The following EFR3B variants were observed in gnomAD, a reference collection of about 807,000 sequenced individuals.
EFR3B encodes the protein protein EFR3 homolog B.
EFR3B carries 64 observed loss-of-function variants against 104.7 expected under a neutral mutation model. The observed-to-expected ratio is 0.61, with a 90% CI of 0.50 to 0.75. The LOEUF (loss-of-function observed/expected upper bound fraction) is 0.75. Ranked by LOEUF, EFR3B falls within the 30% of genes least tolerant of loss-of-function variation. The pLI, the probability that EFR3B is intolerant of heterozygous loss-of-function variation, is 0.00. For missense variants in EFR3B, 750 were observed against 1,078.5 expected (o/e 0.70, Z 4.27); for synonymous variants, 385 against 417.9 (o/e 0.92, Z 0.96).
chr2:25,066,622 C>A (rs1668344260), intron 1 of EFR3B, among the ~76,000 whole-genome samples: 1 of 152,228 alleles, frequency 6.6e-6, no homozygotes, highest in South Asian at 2.1e-4. Context: ...AAGGAAGTCC[C>A]AGCACGCTGG....
intron 5 of EFR3B, among the ~76,000 whole-genome samples, chr2:25,124,509 A>G (rs1241096225): frequency 4.6e-5 from 7 of 151,102 alleles, no homozygotes; most frequent in Admixed American, 4.6e-4. Context: ...GGCGGATCAC[A>G]AGGTCAGGAG....
rs1669248035 is a variant in EFR3B, at chr2:25,095,419, G to C, written c.212+2289G>C. 4.6e-5 allele frequency among the ~76,000 whole-genome samples: 7 copies of C among 152,294 alleles called. No individual in the cohort carries two copies. In the South Asian group the frequency reaches 1.5e-3, roughly 32 times the overall value. On this transcript the variant is annotated intron_variant, in intron 3 of 22. Coordinates refer to ENST00000403714, the MANE Select transcript of EFR3B (RefSeq NM_014971.2). Reference sequence around the variant, plus strand: ...TACAGTAAAACGAACATACTGGCCAGGTGCGGTGGCTCATGCCTGTAATCC... The same window carrying C: ...TACAGTAAAACGAACATACTGGCCACGTGCGGTGGCTCATGCCTGTAATCC...
In EFR3B at chr2:25,128,324, G is replaced by A. The variant is rs760888162; in HGVS notation, c.627G>A (p.Glu209=). 7 of 1,551,742 alleles carry A rather than the reference G, an allele frequency of 4.5e-6. No homozygotes were observed. In the South Asian group the frequency reaches 8.3e-5, roughly 18 times the overall value. ...TTTTCAATCTACAGCATGTAGAGGA[G>A]GCAGAGAGGTAAGCAGGCCGGGATG... ...SLLFNLQHVE[E]AESRSPSPLQ... Residue 209 remains glutamate (E), a synonymous_variant, in exon 6 of 23, where the codon GAG becomes GAA. Transcript: ENST00000403714.
intron 1 of EFR3B, among the ~76,000 whole-genome samples, chr2:25,081,940 C>T (rs1270826663): frequency 1.3e-5 from 2 of 152,166 alleles, no homozygotes; most frequent in African/African-American, 4.8e-5. Flanking sequence ...TTTCAAACCA[C>T]CAATCGCCCT....
intron 1 of EFR3B, among the ~76,000 whole-genome samples, chr2:25,063,941 G>A (rs1306895668): frequency 4.6e-5 from 7 of 152,140 alleles, no homozygotes; most frequent in Non-Finnish European, 8.8e-5. Context: ...TTCCTACCTC[G>A]TGCAGGTGTT....
chr2:25,138,250 TTGTTTAAAG>T (rs1670572936), intron 15 of EFR3B, among the ~76,000 whole-genome samples: 1 of 152,214 alleles, frequency 6.6e-6, no homozygotes, highest in African/African-American at 2.4e-5. Flanking sequence ...CTTTGAGCAC[TTGTTTAAAG>T]TGTCTATTTC....
chr2:25,131,832 C>A lies in EFR3B; in HGVS notation c.1068C>A (p.Asp356Glu), dbSNP rs1440800937. The stretch of plus-strand genomic sequence containing the variant: ...ACTACGCGCTGACCGGGAGCTACGA[C>A]GGGGCGGTCAGCCTCGGCACCAAGA... ...SIDYALTGSY[D>E]GAVSLGTKII... The change falls in exon 10 of 23, where the codon GAC (aspartate) becomes GAA (glutamate). Residue 356 changes from aspartate to glutamate, a missense_variant. Asp to Glu is a conservative substitution (Grantham distance 45). Transcript: ENST00000403714. The surrounding 1 kb of genome is among the most constrained non-coding windows in gnomAD (Gnocchi z 7.6). 4 of 1,549,878 alleles carry A rather than the reference C, an allele frequency of 2.6e-6. No homozygotes were observed. In the East Asian group the frequency reaches 9.8e-5, roughly 38 times the overall value.
At position 25,044,673 on chromosome 2, in the gene EFR3B, GC is replaced by G. The variant is rs1234081143; in HGVS notation, c.7+2360del. On this transcript the variant is annotated intron_variant, in intron 1 of 22. Transcript: ENST00000403714. The stretch of plus-strand genomic sequence containing the variant: ...TTTTATTAACGTGATGGGCAGAGAG[GC>G]CCCCCTATGGAGCCGAAAGTCACCT... Among the ~76,000 whole-genome samples the G allele has an allele frequency of 3.3e-5, 5 of 152,050 alleles. No individual in the cohort carries two copies. The East Asian group carries it at 7.7e-4, about 23-fold the overall frequency.
chr2:25,108,555 C>T (rs569314811), intron 4 of EFR3B, among the ~76,000 whole-genome samples: 1 of 152,058 alleles, frequency 6.6e-6, no homozygotes, highest in South Asian at 2.1e-4. Flanking sequence ...AGATCAAAGC[C>T]CTAAATGTAA....
intron 1 of EFR3B, among the ~76,000 whole-genome samples, chr2:25,068,303 G>A (rs374148236): frequency 1.3e-5 from 2 of 152,110 alleles, no homozygotes; most frequent in Non-Finnish European, 2.9e-5. Flanking sequence ...CCACACTGAG[G>A]AGCTGAAACT....
At chr2:25,103,101 G>A (rs538444819) in intron 3 of EFR3B, among the ~76,000 whole-genome samples, 50 of 152,052 alleles carry the variant, frequency 3.3e-4, no homozygotes, top group Non-Finnish European at 6.6e-4. Flanking sequence ...GAAACCTCAT[G>A]GGCCATCATG....
Position 25,131,514 on chromosome 2 carries a change from T to C in EFR3B, c.985+11T>C. 1.3e-6 allele frequency: 2 copies of C among 1,548,642 alleles called. No individual in the cohort carries two copies. Among genetic ancestry groups the C allele is most frequent in the Non-Finnish European group, 1.7e-6 (2 of 1,146,696 alleles). On this transcript the variant is annotated intron_variant, in intron 9 of 22. Transcript: ENST00000403714. The surrounding 1 kb of genome is among the most constrained non-coding windows in gnomAD (Gnocchi z 7.6). ...CCACCGGCTCTGTGGGTAAGGGGCA[T>C]GGCTAGGGCCTGAGGGCCGGGGACC... is the stretch of plus-strand genomic sequence containing the variant.
chr2:25,128,254 A>G lies in EFR3B; in HGVS notation c.557A>G (p.Asn186Ser). The G allele has an allele frequency of 1.3e-6, 2 of 1,551,790 alleles. No homozygotes were observed. The highest frequency in any genetic ancestry group is 8.7e-7 in the Non-Finnish European group (1 of 1,147,016). Reference protein sequence around the residue: ...RKTVNDELQANIWDPQHMDKI... With the variant: ...RKTVNDELQASIWDPQHMDKI... ...ACGGTGAATGATGAACTGCAGGCCA[A>G]TATCTGGGACCCACAGCACATGGAT... is the stretch of plus-strand genomic sequence containing the variant. Residue 186 changes from asparagine to serine, a missense_variant, in exon 6 of 23, where the codon AAT (asparagine) becomes AGT (serine). Asn to Ser is a conservative substitution (Grantham distance 46). Transcript: ENST00000403714.
Position 25,131,859 on chromosome 2 carries a change from C to T in EFR3B, c.1095C>T (p.Ile365=), listed in dbSNP as rs760112413. The change falls in exon 10 of 23, where the codon ATC becomes ATT. Residue 365 remains isoleucine, a synonymous_variant. Transcript: ENST00000403714. This position sits in a 1 kb window ranked among gnomAD's most constrained non-coding sequence, Gnocchi z 7.6. ...GGGCGGTCAGCCTCGGCACCAAGAT[C>T]ATCAAGGAGCACGAGGAGCGCATGT... ...YDGAVSLGTK[I]IKEHEERMFQ... 3.2e-6 allele frequency: 5 copies of T among 1,548,544 alleles called. No homozygotes were observed. The South Asian group carries it at 6.0e-5, about 18-fold the overall frequency.
intron 1 of EFR3B, among the ~76,000 whole-genome samples, chr2:25,083,232 G>T (rs1225946320): frequency 6.6e-6 from 1 of 152,146 alleles, no homozygotes; most frequent in Non-Finnish European, 1.5e-5. Context: ...CAGCTACTGT[G>T]GTTGGATCTG....
chr2:25,107,107 ATTCT>A (rs1264615647), intron 4 of EFR3B, among the ~76,000 whole-genome samples: 2 of 152,118 alleles, frequency 1.3e-5, no homozygotes, highest in Non-Finnish European at 2.9e-5. Flanking sequence ...TTAGACAGTG[ATTCT>A]TTCGGCCCCT....
At chr2:25,060,875 C>G (rs545944173) in intron 1 of EFR3B, among the ~76,000 whole-genome samples, 4 of 151,626 alleles carry the variant, frequency 2.6e-5, no homozygotes, top group African/African-American at 9.7e-5. Context: ...GAGCCGAGAT[C>G]GCCCCACTGC....
rs1671107618 is a variant in EFR3B, at chr2:25,154,562, C to A, written c.*222C>A. 1.9e-6 allele frequency: 1 copy of A among 530,026 alleles called. No individual in the cohort carries two copies. Among genetic ancestry groups the A allele is most frequent in the Non-Finnish European group, 3.3e-6 (1 of 300,274 alleles). The allele number at this position is 530,026 out of a possible 1,614,324, so 32.8% of individuals were successfully genotyped here. A position where few individuals can be genotyped will look rare whatever the true frequency, so the allele number is the denominator to read the frequency against. The stretch of plus-strand genomic sequence containing the variant: ...GAGGTCTCACCAATCAGCATCTCAC[C>A]TGTGCCCTCTTTGTCTTCTCTTGTG... On this transcript the variant is annotated 3_prime_UTR_variant, in exon 23 of 23. Coordinates refer to ENST00000403714, the MANE Select transcript of EFR3B (RefSeq NM_014971.2). The surrounding 1 kb of genome is among the most constrained non-coding windows in gnomAD (Gnocchi z 4.1).
chr2:25,084,923 A>G (rs1668908741), intron 1 of EFR3B, among the ~76,000 whole-genome samples: 1 of 152,222 alleles, frequency 6.6e-6, no homozygotes, highest in East Asian at 1.9e-4. Flanking sequence ...AGCAGTTCCC[A>G]GCTTGACTTT....
Sources: allele counts gnomAD v4.1 joint callset (sites outside exome capture counted in the v4.1 genomes callset), GRCh38; gene constraint gnomAD v4.1.1; non-coding constraint Gnocchi (gnomAD v3.1); transcripts MANE v1.5; gene names NCBI Gene and HGNC (gene_info 2026-07-23, HGNC 2026-07-21).